CRACD: variants seen among roughly 807,000 people sequenced by gnomAD.
CRACD encodes the protein capping protein inhibiting regulator of actin dynamics, also known as capping protein-inhibiting regulator of actin dynamics.
In CRACD, 56 loss-of-function variants were observed where a neutral mutation model predicts 106.8. That is an observed-to-expected ratio of 0.52 (90% CI 0.42 to 0.66). The LOEUF (loss-of-function observed/expected upper bound fraction) is 0.66. Ranked by LOEUF, CRACD falls within the 30% of genes least tolerant of loss-of-function variation. CRACD has a pLI of 0.00. For synonymous variants in CRACD, 754 were observed against 670.8 expected (o/e 1.12, Z -1.92); for missense variants, 1,730 against 1,623.2 (o/e 1.07, Z -1.13).
chr4:56,080,341 A>G (rs1732980578), intron 1 of CRACD, among the ~76,000 whole-genome samples: 1 of 152,204 alleles, frequency 6.6e-6, no homozygotes, highest in Non-Finnish European at 1.5e-5. Context: ...GAGATGATTT[A>G]AACAATTCTA....
chr4:56,087,945 C>T (rs967812284), intron 1 of CRACD, among the ~76,000 whole-genome samples: 1 of 152,080 alleles, frequency 6.6e-6, no homozygotes, highest in African/African-American at 2.4e-5. Context: ...TCCACTATCT[C>T]TTTCTCTTTT....
chr4:56,237,717 TACATACAC>T (rs1167504771), intron 2 of CRACD, among the ~76,000 whole-genome samples: 1 of 93,246 alleles, frequency 1.1e-5, no homozygotes, highest in Non-Finnish European at 2.1e-5. Context: ...TAAAAGATAT[TACATACAC>T]ACACACACAC....
At chr4:56,301,279 A>T in intron 4 of CRACD, 1 of 1,265,890 alleles carries the variant, frequency 7.9e-7, no homozygotes, top group Non-Finnish European at 1.0e-6. Context: ...AACTTTATTA[A>T]CTTGCATGAA....
intron 2 of CRACD, among the ~76,000 whole-genome samples, chr4:56,264,980 A>C (rs1456913350): frequency 6.6e-6 from 1 of 152,188 alleles, no homozygotes; most frequent in Non-Finnish European, 1.5e-5. Context: ...GTCACTGGAC[A>C]AGCTGCCATG....
intron 10 of CRACD, among the ~76,000 whole-genome samples, chr4:56,325,842 G>C (rs1272776373): frequency 6.6e-6 from 1 of 152,132 alleles, no homozygotes; most frequent in Admixed American, 6.6e-5. Context: ...GATATTAAGA[G>C]GTCTTACTAT....
chr4:56,178,603 G>A (rs1271651310), intron 1 of CRACD, among the ~76,000 whole-genome samples: 1 of 152,132 alleles, frequency 6.6e-6, no homozygotes, highest in Non-Finnish European at 1.5e-5. Context: ...GCCCATACAA[G>A]CCAACCCCCA....
intron 5 of CRACD, chr4:56,308,997 C>T: frequency 1.3e-6 from 1 of 787,440 alleles, no homozygotes; most frequent in Non-Finnish European, 1.9e-6. Flanking sequence ...GTAGTTTACA[C>T]CCTAATGAGA....
At chr4:56,082,849 T>G (rs1201726429) in intron 1 of CRACD, among the ~76,000 whole-genome samples, 1 of 151,842 alleles carries the variant, frequency 6.6e-6, no homozygotes. Context: ...AAAAAAAGTA[T>G]TATAAATGTA....
At chr4:56,169,612 G>A (rs973576615) in intron 1 of CRACD, among the ~76,000 whole-genome samples, 10 of 151,994 alleles carry the variant, frequency 6.6e-5, no homozygotes, top group East Asian at 3.9e-4. Flanking sequence ...TCTTCCCACC[G>A]CAGCCTCCCA....
chr4:56,074,897 G>T (rs532474508), intron 1 of CRACD, among the ~76,000 whole-genome samples: 1 of 152,082 alleles, frequency 6.6e-6, no homozygotes, highest in African/African-American at 2.4e-5. Context: ...TAGCATGAAG[G>T]GGTATTGAAT....
chr4:56,117,027 T>TC (rs1471660456), intron 1 of CRACD, among the ~76,000 whole-genome samples: 7 of 148,944 alleles, frequency 4.7e-5, no homozygotes, highest in African/African-American at 1.7e-4. Context: ...ATTTTTTTTT[T>TC]TTTTTTTTTT....
chr4:56,134,298 A>T (rs961480992), intron 1 of CRACD, among the ~76,000 whole-genome samples: 1 of 152,176 alleles, frequency 6.6e-6, no homozygotes, highest in Admixed American at 6.5e-5. Flanking sequence ...GCACTAATTA[A>T]TCATACCCCC....
At chr4:56,184,821 A>C (rs181629743) in intron 2 of CRACD, among the ~76,000 whole-genome samples, 35 of 152,328 alleles carry the variant, frequency 2.3e-4, no homozygotes, top group Admixed American at 3.9e-4. Flanking sequence ...CTTTTTCCCC[A>C]GTAGTGGTAG....
At position 56,055,811 on chromosome 4, in the gene CRACD, C is replaced by T. The variant is rs1051043848; in HGVS notation, c.-336+6512C>T. ...AGTTAGCTTTGCTTTGTTCTGTGAG[C>T]GCATATTGTACTCTTAACCCAGGCC... On this transcript the variant is annotated intron_variant, in intron 1 of 10. Transcript: ENST00000682029. 2.6e-5 allele frequency among the ~76,000 whole-genome samples: 4 copies of T among 152,136 alleles called. No individual in the cohort carries two copies. The East Asian group carries it at 5.8e-4, about 22-fold the overall frequency.
intron 1 of CRACD, among the ~76,000 whole-genome samples, chr4:56,079,352 C>T (rs1391677980): frequency 6.6e-6 from 1 of 151,724 alleles, no homozygotes; most frequent in East Asian, 1.9e-4. Flanking sequence ...ATGTTTGAAT[C>T]ATCATTCTGT....
chr4:56,196,611 A>G (rs948630538), intron 2 of CRACD, among the ~76,000 whole-genome samples: 10 of 152,232 alleles, frequency 6.6e-5, no homozygotes, highest in African/African-American at 2.2e-4. Flanking sequence ...AGCAGCTTAA[A>G]CAGATGCCAT....
intron 2 of CRACD, among the ~76,000 whole-genome samples, chr4:56,251,742 T>C (rs1451829359): frequency 6.6e-6 from 1 of 152,194 alleles, no homozygotes; most frequent in Non-Finnish European, 1.5e-5. Flanking sequence ...AGAGCTTATT[T>C]AATCGCTCTG....
chr4:56,267,365 G>A (rs759558053), intron 2 of CRACD, among the ~76,000 whole-genome samples: 1 of 151,968 alleles, frequency 6.6e-6, no homozygotes, highest in Non-Finnish European at 1.5e-5. Context: ...CTCGTGATCC[G>A]CCTGCCTCAG....
chr4:56,233,460 C>T (rs1739767687), intron 2 of CRACD, among the ~76,000 whole-genome samples: 1 of 152,068 alleles, frequency 6.6e-6, no homozygotes, highest in African/African-American at 2.4e-5. Flanking sequence ...CATTTCCTCA[C>T]TAAATTGCCT....
Sources: gnomAD v4.1 joint callset for allele counts (sites outside exome capture counted in the v4.1 genomes callset) on GRCh38, gnomAD v4.1.1 for gene constraint, MANE v1.5 for transcripts, NCBI Gene and HGNC (gene_info 2026-07-23, HGNC 2026-07-21) for gene names.